The following TTC39B variants were observed in gnomAD, a reference collection of about 807,000 sequenced individuals.
TTC39B encodes tetratricopeptide repeat domain 39B.
TTC39B carries 92 observed loss-of-function variants against 96.6 expected under a neutral mutation model. That is an observed-to-expected ratio of 0.95 (90% CI 0.80 to 1.13). The LOEUF (loss-of-function observed/expected upper bound fraction) is 1.13. TTC39B is among the 50% of genes most tolerant of loss of function. The pLI is 0.00. For missense variants in TTC39B, 955 were observed against 809.3 expected (o/e 1.18, Z -2.18); for synonymous variants, 367 against 299.4 (o/e 1.23, Z -2.33).
intron 2 of TTC39B, among the ~76,000 whole-genome samples, chr9:15,246,757 T>A (rs1257094973): frequency 6.6e-6 from 1 of 152,238 alleles, no homozygotes; most frequent in Non-Finnish European, 1.5e-5. Context: ...CAACCAATAC[T>A]AACTGGCCAG....
intron 2 of TTC39B, among the ~76,000 whole-genome samples, chr9:15,260,962 T>C (rs1213661151): frequency 1.3e-5 from 2 of 152,202 alleles, no homozygotes; most frequent in African/African-American, 4.8e-5. Flanking sequence ...AAGGATAAAT[T>C]TGAAATTTCC....
At chr9:15,182,466 T>A (rs764661477) in intron 16 of TTC39B, 51 bp from the exon 17 acceptor site, 1 of 1,203,366 alleles carries the variant, frequency 8.3e-7, no homozygotes, top group Non-Finnish European at 1.2e-6. Flanking sequence ...TTATTCAATG[T>A]CCTTTATGAT....
At chr9:15,177,755 G>T (rs267602187) in exon 18 of TTC39B, 1 of 1,612,980 alleles carries the variant, frequency 6.2e-7, no homozygotes, top group Admixed American at 1.7e-5. Flanking sequence ...AAGTTCTTGA[G>T]GCAACATCCT....
chr9:15,274,050 A>G (rs1324139997), intron 1 of TTC39B, among the ~76,000 whole-genome samples: 1 of 152,204 alleles, frequency 6.6e-6, no homozygotes, highest in African/African-American at 2.4e-5. Context: ...TCAAATATTG[A>G]ATTTCTCTCA....
intron 19 of TTC39B, among the ~76,000 whole-genome samples, chr9:15,172,733 T>C (rs1157739070): frequency 6.6e-6 from 1 of 152,118 alleles, no homozygotes. Context: ...TTGTTAAGAA[T>C]CAGAAAAATG....
chr9:15,235,757 C>T (rs1431135472), intron 2 of TTC39B, among the ~76,000 whole-genome samples: 2 of 152,110 alleles, frequency 1.3e-5, no homozygotes, highest in African/African-American at 2.4e-5. Flanking sequence ...TCTAGACAAG[C>T]AAATACTAAG....
chr9:15,223,397 T>A (rs773313802), intron 3 of TTC39B, among the ~76,000 whole-genome samples: 10 of 152,226 alleles, frequency 6.6e-5, no homozygotes, highest in Non-Finnish European at 1.3e-4. Context: ...CTGTTGCACT[T>A]GGCTATGTCA....
intron 15 of TTC39B, chr9:15,185,664 C>G (rs1291886028): frequency 2.7e-6 from 1 of 376,442 alleles, no homozygotes; most frequent in African/African-American, 2.1e-5. Flanking sequence ...GAACCACTGA[C>G]TGACACATAT....
chr9:15,251,498 G>C (rs1479624687), intron 2 of TTC39B, among the ~76,000 whole-genome samples: 2 of 151,762 alleles, frequency 1.3e-5, no homozygotes, highest in Non-Finnish European at 2.9e-5. Flanking sequence ...GTAGGTGCAG[G>C]TTGCGGTGAG....
exon 20 of TTC39B, chr9:15,171,760 C>T (rs1032057652): frequency 1.7e-5 from 4 of 231,168 alleles, no homozygotes; most frequent in South Asian, 2.8e-4. Flanking sequence ...AAGACTTCTT[C>T]GCCCCCTAAT....
chr9:15,190,515 C>T lies in TTC39B; in HGVS notation c.1105+39G>A, dbSNP rs76099279. ...TGTAACACACCATGTCTGGCCAAGACAATCAATGTTCAATGAAACAATCTA... is the reference window on the plus strand; with the variant it reads ...TGTAACACACCATGTCTGGCCAAGATAATCAATGTTCAATGAAACAATCTA... On this transcript the variant is annotated intron_variant, in intron 11 of 19. Transcript: ENST00000512701. 4.7e-3 allele frequency: 7,338 copies of T among 1,571,568 alleles called. 298 individuals are homozygous for T. The African/African-American group carries it at 0.086, about 18-fold the overall frequency.
intron 1 of TTC39B, among the ~76,000 whole-genome samples, chr9:15,287,747 C>G (rs551163956): frequency 6.6e-6 from 1 of 151,966 alleles, no homozygotes; most frequent in East Asian, 1.9e-4. Flanking sequence ...GAGATTGAGA[C>G]CATCTTGGCT....
chr9:15,238,733 C>G (rs1821900974), intron 2 of TTC39B, among the ~76,000 whole-genome samples: 1 of 152,110 alleles, frequency 6.6e-6, no homozygotes, highest in African/African-American at 2.4e-5. Flanking sequence ...TGCCTGTAAT[C>G]CCAGCACTTT....
chr9:15,212,380 C>CA (rs200310557), intron 4 of TTC39B, among the ~76,000 whole-genome samples: 9,349 of 105,574 alleles, frequency 0.089, 412 homozygotes, highest in African/African-American at 0.17. Flanking sequence ...TTTCAAGAAG[C>CA]AAAAAAAAAA....
chr9:15,211,225 A>T (rs1820179810), intron 5 of TTC39B, 41 bp downstream of exon 5: 1 of 1,411,814 alleles, frequency 7.1e-7, no homozygotes, highest in Admixed American at 2.7e-5. Flanking sequence ...CAGGCATAAA[A>T]GTTTGCAGTC....
At chr9:15,223,379 C>T (rs1247613031) in intron 3 of TTC39B, among the ~76,000 whole-genome samples, 1 of 152,240 alleles carries the variant, frequency 6.6e-6, no homozygotes, top group Non-Finnish European at 1.5e-5. Flanking sequence ...AATTCCACCA[C>T]TGCCTGGCTG....
chr9:15,220,058 CT>C (rs1412878377), intron 3 of TTC39B, among the ~76,000 whole-genome samples: 1 of 152,198 alleles, frequency 6.6e-6, no homozygotes, highest in Non-Finnish European at 1.5e-5. Flanking sequence ...AAAAAGGAAC[CT>C]TTTTTCCAAA....
intron 2 of TTC39B, among the ~76,000 whole-genome samples, chr9:15,259,628 A>G (rs1325314705): frequency 6.6e-6 from 1 of 152,356 alleles, no homozygotes; most frequent in Non-Finnish European, 1.5e-5. Context: ...AGCCATAAAA[A>G]GGAATGAAGT....
At chr9:15,287,267 C>T (rs1022254777) in intron 1 of TTC39B, among the ~76,000 whole-genome samples, 3 of 152,194 alleles carry the variant, frequency 2.0e-5, no homozygotes, top group Non-Finnish European at 4.4e-5. Context: ...AAAATCATTT[C>T]TCATTAAGAG....
Sources: allele counts gnomAD v4.1 joint callset (sites outside exome capture counted in the v4.1 genomes callset), GRCh38; gene constraint gnomAD v4.1.1; transcripts MANE v1.5; gene names NCBI Gene and HGNC (gene_info 2026-07-23, HGNC 2026-07-21).